Variants in AIRE observed in about 807,000 individuals in gnomAD.
AIRE encodes autoimmune polyendocrinopathy candidiasis ectodermal dystrophy protein.
Under a neutral mutation model 62.1 loss-of-function variants are expected in AIRE, and 52 were observed. That is an observed-to-expected ratio of 0.84 (90% CI 0.67 to 1.06). The LOEUF is 1.06. Among genes scored for constraint, AIRE ranks in the 50% least tolerant of loss-of-function variants. The pLI is 0.00. For missense variants in AIRE, 774 were observed against 755.8 expected (o/e 1.02, Z -0.28); for synonymous variants, 342 against 321.6 (o/e 1.06, Z -0.68).
chr21:44,292,445 C>T (rs1420149396), intron 9 of AIRE, 44 bp downstream of exon 9: 52 of 1,360,426 alleles, frequency 3.8e-5, no homozygotes, highest in Non-Finnish European at 5.2e-5. Flanking sequence ...CTCCTGTCCA[C>T]ATGGCCACGC....
Position 44,294,492 on chromosome 21 carries a change from G to A in AIRE, c.1492G>A (p.Gly498Arg). Residue 498 changes from glycine (G) to arginine (R), a missense_variant, in exon 12 of 14, where the codon GGG (glycine) becomes AGG (arginine). This residue lies in a region of AIRE where 354 missense variants were observed against 296.1 expected (regional missense o/e 1.20). Transcript: ENST00000291582. Reference sequence around the variant, plus strand: ...CCCCAGCCCCGCCCGCCTGGCCCCTGGGCCTGCCAAGGTCAGTGCCGCAGG... The same window carrying A: ...CCCCAGCCCCGCCCGCCTGGCCCCTAGGCCTGCCAAGGTCAGTGCCGCAGG... ...LAPSPARLAP[G>R]PAKDDTASHE... 1.3e-6 allele frequency: 2 copies of A among 1,514,620 alleles called. No individual in the cohort carries two copies. The highest frequency in any genetic ancestry group is 8.8e-7 in the Non-Finnish European group (1 of 1,134,806). The allele number at this position is 1,514,620 out of a possible 1,614,324, so 93.8% of individuals were successfully genotyped here.
At position 44,286,429 on chromosome 21, in the gene AIRE, A is replaced by C; in HGVS notation, c.133-128A>C. ...CCTGACTCCACCACAAGCCGAGGAG[A>C]TGGGCGTGGAGCTGTCCAGGTCGCC... On this transcript the variant is annotated intron_variant, in intron 1 of 13. Coordinates refer to ENST00000291582, the MANE Select transcript of AIRE (RefSeq NM_000383.4). This position sits in a 1 kb window ranked among gnomAD's most constrained non-coding sequence, Gnocchi z 6.0. 9.5e-7 allele frequency: 1 copy of C among 1,056,366 alleles called. No homozygotes were observed. Among genetic ancestry groups the C allele is most frequent in the Non-Finnish European group, 1.4e-6 (1 of 729,834 alleles). The allele number at this position is 1,056,366 out of a possible 1,614,324, so 65.4% of individuals were successfully genotyped here. A position where few individuals can be genotyped will look rare whatever the true frequency, so the allele number is the denominator to read the frequency against.
chr21:44,296,309 T>C, intron 12 of AIRE, 74 bp from the exon 13 acceptor site: 1 of 1,368,346 alleles, frequency 7.3e-7, no homozygotes, highest in Non-Finnish European at 1.0e-6. Flanking sequence ...CCGCGGCCCC[T>C]AGGCCCTGCG....
rs190592807 is a variant in AIRE, at chr21:44,295,529, A to C, written c.1504-854A>C. 1.6e-3 allele frequency among the ~76,000 whole-genome samples: 242 copies of C among 152,264 alleles called. 2 individuals are homozygous for C. The highest frequency in any genetic ancestry group is 0.015 in the Admixed American group (230 of 15,302). On this transcript the variant is annotated intron_variant, in intron 12 of 13. Transcript: ENST00000291582. ...GGCATATACGCAGATGCCCCTCCCT[A>C]ACCCCAGGCAGCTTTCCTGCAACTG...
In AIRE at chr21:44,297,583, G is replaced by A; in HGVS notation, c.1567-73G>A. On this transcript the variant is annotated intron_variant, in intron 13 of 13. Coordinates refer to ENST00000291582, the MANE Select transcript of AIRE (RefSeq NM_000383.4). This position sits in a 1 kb window ranked among gnomAD's most constrained non-coding sequence, Gnocchi z 4.8. ...AGGGAAGGTTGGATGGTGACTTCTT[G>A]TAACGATGGCCATGATTCTGTGGCT... 1 of 1,382,444 alleles carries A rather than the reference G, an allele frequency of 7.2e-7. No homozygotes were observed. The highest frequency in any genetic ancestry group is 1.2e-5 in the South Asian group (1 of 85,888). The allele number at this position is 1,382,444 out of a possible 1,614,324, so 85.6% of individuals were successfully genotyped here.
At chr21:44,294,060 T>C in intron 11 of AIRE, 150 bp downstream of exon 11, 1 of 809,648 alleles carries the variant, frequency 1.2e-6, no homozygotes, top group South Asian at 1.6e-5. Flanking sequence ...CCCACACCCA[T>C]GCCCTGCACC....
chr21:44,290,650 T>C (rs1486130904), intron 7 of AIRE: 17 of 1,130,094 alleles, frequency 1.5e-5, no homozygotes, highest in Non-Finnish European at 2.0e-5. Flanking sequence ...GGGGGGATTC[T>C]GGAGGAAGTG....
intron 4 of AIRE, 132 bp from the exon 5 acceptor site, chr21:44,288,213 G>A (rs2040501743): frequency 1.3e-6 from 1 of 751,936 alleles, no homozygotes; most frequent in African/African-American, 1.7e-5. Context: ...GGCAGGGCTG[G>A]GTCCCCTCCT....
chr21:44,293,657 G>A, intron 10 of AIRE, 132 bp from the exon 11 acceptor site: 1 of 1,433,628 alleles, frequency 7.0e-7, no homozygotes, highest in Non-Finnish European at 9.4e-7. Flanking sequence ...GGCACCGTGA[G>A]GCTCCTCACT....
chr21:44,293,046 A>T lies in AIRE; in HGVS notation c.1149A>T (p.Glu383Asp). The T allele has an allele frequency of 6.2e-7, 1 of 1,611,794 alleles. No homozygotes were observed. Among genetic ancestry groups the T allele is most frequent in the Non-Finnish European group, 8.5e-7 (1 of 1,179,666 alleles). ...AGEEVRGPPGEPLAGMDTTLV... is the reference protein window; with the variant it reads ...AGEEVRGPPGDPLAGMDTTLV... ...AGGAGGTAAGAGGTCCACCTGGGGA[A>T]CCCCTAGCCGGCATGGACACGACTC... The change falls in exon 10 of 14, where the codon GAA (glutamate) becomes GAT (aspartate). Residue 383 changes from glutamate to aspartate, a missense_variant. By Grantham distance (45) the Glu-to-Asp change is conservative (BLOSUM62 2). Around this residue, in one of 3 missense-constraint regions of AIRE, gnomAD observed 354 missense variants for 296.1 expected, o/e 1.20. Coordinates refer to ENST00000291582, the MANE Select transcript of AIRE (RefSeq NM_000383.4).
chr21:44,289,591 C>A (rs2040515103), intron 5 of AIRE, 66 bp from the exon 6 acceptor site: 3 of 1,605,592 alleles, frequency 1.9e-6, no homozygotes, highest in Non-Finnish European at 2.6e-6. Context: ...ACCCTGGGGC[C>A]TACACGACTG....
At chr21:44,294,900 A>G (rs1048657595) in intron 12 of AIRE, among the ~76,000 whole-genome samples, 1 of 152,058 alleles carries the variant, frequency 6.6e-6, no homozygotes, top group Non-Finnish European at 1.5e-5. Context: ...CCCTGGGGCC[A>G]GGATCCACCC....
At chr21:44,295,262 G>T (rs1346040621) in intron 12 of AIRE, among the ~76,000 whole-genome samples, 1 of 152,202 alleles carries the variant, frequency 6.6e-6, no homozygotes, top group African/African-American at 2.4e-5. Context: ...CCGTGTGGGT[G>T]ACAGGCCACC....
At chr21:44,295,369 A>G (rs1235017431) in intron 12 of AIRE, among the ~76,000 whole-genome samples, 1 of 152,152 alleles carries the variant, frequency 6.6e-6, no homozygotes, top group Non-Finnish European at 1.5e-5. Flanking sequence ...CTGGCCTGGC[A>G]TGGCACAAGC....
rs531091430 is a variant in AIRE, at chr21:44,290,469, G to T, written c.879+401G>T. On this transcript the variant is annotated intron_variant, in intron 7 of 13. Transcript: ENST00000291582. ...AGCAGTGTGGGGGGTGCCTGCCGTGGTGGGTTACAGATCTTGACCACTTGG... is the reference window on the plus strand; with the variant it reads ...AGCAGTGTGGGGGGTGCCTGCCGTGTTGGGTTACAGATCTTGACCACTTGG... The T allele has an allele frequency of 2.9e-5, 28 of 981,658 alleles. No homozygotes were observed. In the African/African-American group the frequency reaches 4.0e-4, roughly 14 times the overall value. The allele number at this position is 981,658 out of a possible 1,614,324, so 60.8% of individuals were successfully genotyped here. A position where few individuals can be genotyped will look rare whatever the true frequency, so the allele number is the denominator to read the frequency against.
chr21:44,292,395 G>T lies in AIRE; in HGVS notation c.1089G>T (p.Glu363Asp), dbSNP rs1317375627. The T allele has an allele frequency of 9.7e-6, 15 of 1,551,930 alleles. No homozygotes were observed. Among genetic ancestry groups the T allele is most frequent in the Non-Finnish European group, 1.3e-5 (15 of 1,147,814 alleles). ...CCCGGCCCCAGGAGCCACCCGTGGA[G>T]ACCCCGGTATGGCCACGCCCCCTCC... The part of the protein sequence containing the change: ...EEPRPQEPPV[E>D]TPLPPGLRSA... The change falls in exon 9 of 14, where the codon GAG becomes GAT. Residue 363 changes from glutamate (E) to aspartate (D), a missense_variant. Glu to Asp is a conservative substitution (Grantham distance 45, BLOSUM62 2). Coordinates refer to ENST00000291582, the MANE Select transcript of AIRE (RefSeq NM_000383.4).
rs543359764 is a variant in AIRE, at chr21:44,296,633, G to GC, written c.1566+194dup. Among the ~76,000 whole-genome samples, 239 of 142,174 alleles carry GC rather than the reference G, an allele frequency of 1.7e-3. 3 individuals carry two copies. The highest frequency in any genetic ancestry group is 0.015 in the Admixed American group (219 of 14,356). The allele number at this position is 142,174 out of a possible 152,430, so 93.3% of individuals were successfully genotyped here. A position where few individuals can be genotyped will look rare whatever the true frequency, so the allele number is the denominator to read the frequency against. ...TGAGCACCTGGCACCCCCCACAGGA[G>GC]CCCCCCTAGCCCCCTTGCAGGAGCC... On this transcript the variant is annotated intron_variant, in intron 13 of 13. Transcript: ENST00000291582.
rs56171459 is a variant in AIRE at position 44,287,446 on chromosome 21, C to T, written c.464-71C>T. ...CCGCCCCCTCCACGCCCTCCCACCG[C>T]GGGCCCCTGCCCACCGGCACTCACC... On this transcript the variant is annotated intron_variant, in intron 3 of 13. Transcript: ENST00000291582. The surrounding 1 kb of genome is among the most constrained non-coding windows in gnomAD (Gnocchi z 4.3). The T allele has an allele frequency of 9.0e-5, 101 of 1,119,884 alleles. 1 individual carries two copies. Among genetic ancestry groups the T allele is most frequent in the African/African-American group, 1.6e-4 (10 of 64,480 alleles). The allele number at this position is 1,119,884 out of a possible 1,614,324, so 69.4% of individuals were successfully genotyped here. A position where few individuals can be genotyped will look rare whatever the true frequency, so the allele number is the denominator to read the frequency against.
intron 5 of AIRE, 63 bp downstream of exon 5, chr21:44,288,521 AC>A: frequency 1.6e-6 from 2 of 1,250,366 alleles, no homozygotes; most frequent in African/African-American, 1.5e-5. Context: ...TGGAAGGAGG[AC>A]CACGCCCCTT....
Sources: gnomAD v4.1 joint callset for allele counts (sites outside exome capture counted in the v4.1 genomes callset) on GRCh38, gnomAD v4.1.1 for gene constraint, gnomAD v4.1.1 regional missense constraint, Gnocchi (gnomAD v3.1) non-coding constraint, MANE v1.5 for transcripts, NCBI Gene and HGNC (gene_info 2026-07-23, HGNC 2026-07-21) for gene names.